HMGCLL1: variants seen among roughly 807,000 people sequenced by gnomAD.
HMGCLL1 encodes the protein 3-hydroxy-3-methylglutaryl-CoA lyase like 1.
Under a neutral mutation model 39.1 loss-of-function variants are expected in HMGCLL1, and 36 were observed. The ratio of observed to expected loss-of-function variants is 0.92; its 90% CI spans 0.71 to 1.22. The LOEUF is 1.22. Ranked by LOEUF, HMGCLL1 falls within the 50% of genes most tolerant of loss-of-function variation. HMGCLL1 has a pLI of 0.00. For missense variants in HMGCLL1, 451 were observed against 416.5 expected (o/e 1.08, Z -0.72); for synonymous variants, 149 against 144.0 (o/e 1.03, Z -0.25).
intron 4 of HMGCLL1, 61 bp downstream of exon 4, chr6:55,516,447 G>T (rs1767740062): frequency 9.1e-7 from 1 of 1,093,332 alleles, no homozygotes. Context: ...TTTTAACTTT[G>T]TAAATATCTT....
At chr6:55,579,483 G>A (rs1771932523), upstream of HMGCLL1, among the ~76,000 whole-genome samples, 1 of 152,170 alleles carries the variant, frequency 6.6e-6, no homozygotes, top group Admixed American at 6.5e-5. Context: ...TTATGTTGAT[G>A]AGTTCGTTCA....
intron 1 of HMGCLL1, among the ~76,000 whole-genome samples, chr6:55,558,383 A>G (rs1483367351): frequency 6.6e-6 from 1 of 152,172 alleles, no homozygotes; most frequent in African/African-American, 2.4e-5. Flanking sequence ...CCTGGTTTAT[A>G]CCTGTTTTCA....
chr6:55,460,742 C>T (rs1017092671), intron 7 of HMGCLL1, among the ~76,000 whole-genome samples: 1 of 151,838 alleles, frequency 6.6e-6, no homozygotes, highest in African/African-American at 2.4e-5. Context: ...AATTGCCATC[C>T]ATATCTAAAA....
At chr6:55,599,572 A>G in the HMGCLL1 span, among the ~76,000 whole-genome samples, 1 of 152,192 alleles carries the variant, frequency 6.6e-6, no homozygotes, top group Non-Finnish European at 1.5e-5. Context: ...GAACATTTTC[A>G]AGTGCCCAGA....
intron 8 of HMGCLL1, among the ~76,000 whole-genome samples, chr6:55,438,844 G>C (rs1763475070): frequency 6.6e-6 from 1 of 151,932 alleles, no homozygotes; most frequent in South Asian, 2.1e-4. Flanking sequence ...AGACTAACAG[G>C]TTGTGTTAAC....
At chr6:55,531,361 C>A (rs1768658457) in intron 3 of HMGCLL1, among the ~76,000 whole-genome samples, 1 of 152,096 alleles carries the variant, frequency 6.6e-6, no homozygotes, top group Non-Finnish European at 1.5e-5. Flanking sequence ...CATACTGGAC[C>A]TCTATTTGGG....
chr6:55,598,219 C>T, the HMGCLL1 span, among the ~76,000 whole-genome samples: 1 of 152,080 alleles, frequency 6.6e-6, no homozygotes, highest in Non-Finnish European at 1.5e-5. Context: ...ATATACAGAA[C>T]ATGTCCTGTA....
chr6:55,567,167 T>C (rs557243476), intron 1 of HMGCLL1, among the ~76,000 whole-genome samples: 1 of 152,150 alleles, frequency 6.6e-6, no homozygotes, highest in East Asian at 1.9e-4. Context: ...AGGATGGGTA[T>C]CCCAAGTACT....
chr6:55,590,218 G>T, the HMGCLL1 span, among the ~76,000 whole-genome samples: 1 of 151,974 alleles, frequency 6.6e-6, no homozygotes, highest in East Asian at 1.9e-4. Context: ...TAGACCAATG[G>T]AACAGAACAG....
At chr6:55,502,754 C>A (rs1371351922) in intron 5 of HMGCLL1, among the ~76,000 whole-genome samples, 1 of 147,832 alleles carries the variant, frequency 6.8e-6, no homozygotes, top group Non-Finnish European at 1.5e-5. Context: ...TTTAAAGATT[C>A]ATTTCAAATA....
At chr6:55,587,159 T>A in the HMGCLL1 span, among the ~76,000 whole-genome samples, 2 of 152,178 alleles carry the variant, frequency 1.3e-5, no homozygotes, top group African/African-American at 4.8e-5. Flanking sequence ...GATGAGCATT[T>A]TTTCATGTGT....
the HMGCLL1 span, among the ~76,000 whole-genome samples, chr6:55,678,332 C>T: frequency 3.3e-5 from 5 of 152,064 alleles, no homozygotes; most frequent in African/African-American, 1.2e-4. Context: ...AGATCATTAG[C>T]ACAAACTTTA....
chr6:55,670,789 C>G, the HMGCLL1 span, among the ~76,000 whole-genome samples: 3 of 151,694 alleles, frequency 2.0e-5, no homozygotes, highest in Non-Finnish European at 3.0e-5. Context: ...ATAATAAAAT[C>G]ACTTGCTAAT....
chr6:55,615,181 A>T, the HMGCLL1 span, among the ~76,000 whole-genome samples: 1 of 152,118 alleles, frequency 6.6e-6, no homozygotes, highest in Admixed American at 6.6e-5. Flanking sequence ...TTATAAAAGT[A>T]AAAAGAAAAA....
the HMGCLL1 span, among the ~76,000 whole-genome samples, chr6:55,628,622 GTC>G: frequency 6.6e-6 from 1 of 151,966 alleles, no homozygotes; most frequent in African/African-American, 2.4e-5. Flanking sequence ...CCACTGAAAA[GTC>G]TGATACCAGA....
chr6:55,669,947 C>T, the HMGCLL1 span, among the ~76,000 whole-genome samples: 1 of 151,666 alleles, frequency 6.6e-6, no homozygotes, highest in South Asian at 2.1e-4. Context: ...AAAGTAACAG[C>T]TAAAAATGTT....
intron 3 of HMGCLL1, among the ~76,000 whole-genome samples, chr6:55,540,989 G>C (rs1428188061): frequency 6.6e-6 from 1 of 152,102 alleles, no homozygotes; most frequent in Admixed American, 6.6e-5. Context: ...TTAGAATAGA[G>C]AATAATGGAA....
At chr6:55,627,108 G>A in the HMGCLL1 span, among the ~76,000 whole-genome samples, 1 of 149,174 alleles carries the variant, frequency 6.7e-6, no homozygotes. Context: ...AAGGCAAAGG[G>A]AATACAGAAG....
the HMGCLL1 span, among the ~76,000 whole-genome samples, chr6:55,663,192 C>T: frequency 9.3e-5 from 14 of 150,186 alleles, no homozygotes; most frequent in Non-Finnish European, 1.2e-4. Context: ...CCTTCAGTTC[C>T]GCTCTGATTT....
Sources: gnomAD v4.1 joint callset for allele counts (sites outside exome capture counted in the v4.1 genomes callset) on GRCh38, gnomAD v4.1.1 for gene constraint, MANE v1.5 for transcripts, NCBI Gene and HGNC (gene_info 2026-07-23, HGNC 2026-07-21) for gene names.